The following FHIT variants were observed in gnomAD, a reference collection of about 807,000 sequenced individuals.
FHIT encodes fragile histidine triad diadenosine triphosphatase, also known as bis(5'-adenosyl)-triphosphatase.
A neutral mutation model predicts 17.9 loss-of-function variants in FHIT; 19 were observed. The ratio of observed to expected loss-of-function variants is 1.06; its 90% CI spans 0.74 to 1.56. The LOEUF (loss-of-function observed/expected upper bound fraction) is 1.56. FHIT is among the 40% of genes most tolerant of loss of function. FHIT has a pLI of 0.00. For missense variants in FHIT, 248 were observed against 189.2 expected, an observed-to-expected ratio of 1.31 and a Z score of -1.82; for synonymous variants, 81 against 69.7, an observed-to-expected ratio of 1.16 and a Z score of -0.81.
At chr3:60,919,043 C>T (rs1707148175) in intron 3 of FHIT, among the ~76,000 whole-genome samples, 2 of 152,116 alleles carry the variant, frequency 1.3e-5, no homozygotes, top group African/African-American at 2.4e-5. Context: ...ATCTGGGTCA[C>T]TACCTACCCA....
At position 59,971,477 on chromosome 3, in the gene FHIT, G is replaced by A. The variant is rs538477394; in HGVS notation, c.279+39894C>T. On this transcript the variant is annotated intron_variant, in intron 7 of 9. Coordinates refer to ENST00000492590, the MANE Select transcript of FHIT (RefSeq NM_002012.4). Reference sequence around the variant, plus strand: ...GACACAGCTGATAGATAGAACCTAAGGTTTCATGGGTTCATAAACTCTCTT... The same window carrying A: ...GACACAGCTGATAGATAGAACCTAAAGTTTCATGGGTTCATAAACTCTCTT... Among the ~76,000 whole-genome samples, 64 of 146,338 alleles carry A rather than the reference G, an allele frequency of 4.4e-4. 3 individuals are homozygous for A. The South Asian group carries it at 7.5e-3, about 17-fold the overall frequency.
At chr3:60,035,588 C>T (rs1046546911) in intron 5 of FHIT, among the ~76,000 whole-genome samples, 3 of 152,124 alleles carry the variant, frequency 2.0e-5, no homozygotes, top group African/African-American at 7.2e-5. Flanking sequence ...GTTTTGCAAA[C>T]TTTCAGTTTG....
chr3:60,935,679 T>G (rs1708162036), intron 3 of FHIT, among the ~76,000 whole-genome samples: 1 of 152,218 alleles, frequency 6.6e-6, no homozygotes, highest in Admixed American at 6.5e-5. Context: ...TAAGAAACTG[T>G]GACCCTATCA....
At chr3:60,841,187 T>C (rs1170096177) in intron 3 of FHIT, among the ~76,000 whole-genome samples, 1 of 152,230 alleles carries the variant, frequency 6.6e-6, no homozygotes, top group African/African-American at 2.4e-5. Context: ...TTGTAAGTTG[T>C]CTTGTTTAGA....
intron 5 of FHIT, among the ~76,000 whole-genome samples, chr3:60,354,782 C>A: frequency 6.6e-6 from 1 of 152,164 alleles, no homozygotes; most frequent in South Asian, 2.1e-4. Context: ...AAATATAAAC[C>A]ATTATCTTAG....
intron 8 of FHIT, among the ~76,000 whole-genome samples, chr3:59,765,847 A>G (rs1701768913): frequency 6.6e-6 from 1 of 152,246 alleles, no homozygotes; most frequent in Non-Finnish European, 1.5e-5. Flanking sequence ...CAGGGAGTAG[A>G]TGAATAAACC....
At chr3:61,237,376 T>C (rs368426670) in intron 1 of FHIT, among the ~76,000 whole-genome samples, 17 of 152,236 alleles carry the variant, frequency 1.1e-4, no homozygotes, top group Non-Finnish European at 2.2e-4. Context: ...GATATGTTTG[T>C]TTTCTGATTT....
intron 1 of FHIT, among the ~76,000 whole-genome samples, chr3:61,243,831 G>A (rs1416588322): frequency 1.3e-5 from 2 of 152,144 alleles, no homozygotes; most frequent in African/African-American, 2.4e-5. Flanking sequence ...AAGGAGGGTA[G>A]GGGAGAAAGA....
intron 4 of FHIT, among the ~76,000 whole-genome samples, chr3:60,649,414 C>G (rs781851889): frequency 5.3e-5 from 8 of 151,970 alleles, no homozygotes; most frequent in Non-Finnish European, 1.2e-4. Context: ...AAAAACAAAA[C>G]AAAACAAAAA....
intron 2 of FHIT, among the ~76,000 whole-genome samples, chr3:61,044,757 A>C (rs1015519179): frequency 3.3e-5 from 5 of 152,244 alleles, no homozygotes; most frequent in Admixed American, 3.3e-4. Context: ...CCACAAAGGG[A>C]AGCACATCAG....
chr3:60,528,714 A>T (rs1008429101), intron 5 of FHIT, among the ~76,000 whole-genome samples: 4 of 152,148 alleles, frequency 2.6e-5, no homozygotes, highest in African/African-American at 9.7e-5. Context: ...ATCTACTGAG[A>T]CCATGTGCAT....
intron 5 of FHIT, among the ~76,000 whole-genome samples, chr3:60,350,698 T>C (rs1161383623): frequency 6.6e-6 from 1 of 152,124 alleles, no homozygotes; most frequent in African/African-American, 2.4e-5. Context: ...AAACCTATTT[T>C]TTTCTTTTTT....
chr3:60,677,528 T>C (rs1292949416), intron 4 of FHIT, among the ~76,000 whole-genome samples: 1 of 152,206 alleles, frequency 6.6e-6, no homozygotes, highest in Non-Finnish European at 1.5e-5. Context: ...TATGTATACA[T>C]ATATACACAC....
intron 5 of FHIT, among the ~76,000 whole-genome samples, chr3:60,131,048 T>TATACATATGTGTATATATACACAC (rs1699565357): frequency 9.9e-6 from 1 of 100,586 alleles, no homozygotes; most frequent in African/African-American, 4.5e-5. Context: ...TATATACACA[T>TATACATATGTGTATATATACACAC]ATATACATAC....
rs185396743 is a variant in FHIT at position 60,191,323 on chromosome 3, C to T, written c.104-177171G>A. On this transcript the variant is annotated intron_variant, in intron 5 of 9. Coordinates refer to ENST00000492590, the MANE Select transcript of FHIT (RefSeq NM_002012.4). Reference sequence around the variant, plus strand: ...AGGGATACATTTGAAATAAAAATAGCAGTATTTTCTGCTTTAATAACCAAC... The same window carrying T: ...AGGGATACATTTGAAATAAAAATAGTAGTATTTTCTGCTTTAATAACCAAC... 5.9e-5 allele frequency among the ~76,000 whole-genome samples: 9 copies of T among 152,188 alleles called. No individual in the cohort carries two copies. In the East Asian group the frequency reaches 1.7e-3, roughly 29 times the overall value.
At chr3:60,292,130 T>G (rs1708011827) in intron 5 of FHIT, among the ~76,000 whole-genome samples, 1 of 152,136 alleles carries the variant, frequency 6.6e-6, no homozygotes, top group Non-Finnish European at 1.5e-5. Flanking sequence ...CCAGGTGAAC[T>G]GTTATTGAGC....
intron 2 of FHIT, among the ~76,000 whole-genome samples, chr3:61,044,987 A>G (rs988407829): frequency 2.0e-5 from 3 of 152,212 alleles, no homozygotes; most frequent in Non-Finnish European, 2.9e-5. Flanking sequence ...AGGAAGCACT[A>G]AACATGGAAA....
At chr3:60,192,218 T>G (rs1437863041) in intron 5 of FHIT, among the ~76,000 whole-genome samples, 1 of 138,278 alleles carries the variant, frequency 7.2e-6, no homozygotes, top group Non-Finnish European at 1.5e-5. Flanking sequence ...GTCACTGCAC[T>G]CCAGCCTGGG....
At chr3:61,083,329 G>A (rs528155531) in intron 2 of FHIT, among the ~76,000 whole-genome samples, 5 of 152,100 alleles carry the variant, frequency 3.3e-5, no homozygotes, top group Non-Finnish European at 7.4e-5. Flanking sequence ...GTTGGCTCAC[G>A]CCTATAATCC....
Sources: gnomAD v4.1 joint callset for allele counts (sites outside exome capture counted in the v4.1 genomes callset) on GRCh38, gnomAD v4.1.1 for gene constraint, MANE v1.5 for transcripts, NCBI Gene and HGNC (gene_info 2026-07-23, HGNC 2026-07-21) for gene names.